CERS6: variants seen among roughly 807,000 people sequenced by gnomAD.
CERS6 encodes LAG1 homolog, ceramide synthase 6.
In CERS6, 26 loss-of-function variants were observed where a neutral mutation model predicts 56.8. The observed-to-expected ratio is 0.46, with a 90% CI of 0.34 to 0.63. CERS6 has a LOEUF of 0.63. Ranked by LOEUF, CERS6 falls within the 30% of genes least tolerant of loss-of-function variation. The probability of loss-of-function intolerance (pLI) is 0.01; values close to 1 mark genes in which losing one functional copy is unlikely to be tolerated. For missense variants in CERS6, 415 were observed against 467.5 expected, an observed-to-expected ratio of 0.89 and a Z score of 1.04; for synonymous variants, 164 against 173.3, an observed-to-expected ratio of 0.95 and a Z score of 0.42.
At chr2:168,606,992 G>C (rs1684067851) in intron 3 of CERS6, among the ~76,000 whole-genome samples, 1 of 152,124 alleles carries the variant, frequency 6.6e-6, no homozygotes, top group Non-Finnish European at 1.5e-5. Flanking sequence ...TGCTGCTGTG[G>C]TTCCTGTACA....
chr2:168,484,734 T>C (rs535983421), intron 1 of CERS6, among the ~76,000 whole-genome samples: 1 of 150,608 alleles, frequency 6.6e-6, no homozygotes, highest in African/African-American at 2.4e-5. Context: ...GGCTTTAGTG[T>C]CTTTTTCATT....
At chr2:168,646,984 C>T (rs1685220429) in intron 4 of CERS6, among the ~76,000 whole-genome samples, 1 of 152,146 alleles carries the variant, frequency 6.6e-6, no homozygotes, top group South Asian at 2.1e-4. Context: ...CAGCTTTGTT[C>T]TTTTTGCTTA....
intron 8 of CERS6, among the ~76,000 whole-genome samples, chr2:168,741,937 T>A (rs1683921550): frequency 6.6e-6 from 1 of 152,180 alleles, no homozygotes; most frequent in South Asian, 2.1e-4. Context: ...TTTCAAAAAA[T>A]GAGCATGTCG....
intron 8 of CERS6, among the ~76,000 whole-genome samples, chr2:168,759,616 A>G (rs1684511285): frequency 6.6e-6 from 1 of 152,184 alleles, no homozygotes; most frequent in Non-Finnish European, 1.5e-5. Flanking sequence ...AATGAATCAT[A>G]AGATTTAATT....
chr2:168,643,823 C>G (rs769658617), intron 4 of CERS6, among the ~76,000 whole-genome samples: 1 of 152,160 alleles, frequency 6.6e-6, no homozygotes, highest in Non-Finnish European at 1.5e-5. Flanking sequence ...TCTATACGCC[C>G]GGATAATTTC....
chr2:168,626,620 C>A (rs1425873101), intron 3 of CERS6, among the ~76,000 whole-genome samples: 2 of 152,156 alleles, frequency 1.3e-5, no homozygotes, highest in African/African-American at 4.8e-5. Context: ...TGTAGTGGAA[C>A]ACATTGACGT....
intron 1 of CERS6, among the ~76,000 whole-genome samples, chr2:168,496,226 A>G (rs1251133558): frequency 1.3e-5 from 2 of 152,186 alleles, no homozygotes; most frequent in Non-Finnish European, 2.9e-5. Context: ...CTTCCTATAC[A>G]AAGACTGTTA....
chr2:168,758,931 C>G (rs1434531379), intron 8 of CERS6, among the ~76,000 whole-genome samples: 9 of 152,046 alleles, frequency 5.9e-5, no homozygotes, highest in Non-Finnish European at 1.5e-5. Context: ...CTTTAAGACT[C>G]CCTTGTGTTT....
At chr2:168,708,306 G>A (rs546591708) in intron 6 of CERS6, among the ~76,000 whole-genome samples, 9 of 152,100 alleles carry the variant, frequency 5.9e-5, no homozygotes, top group African/African-American at 1.4e-4. Context: ...CACTTCTACC[G>A]CCAGCATTCT....
intron 3 of CERS6, among the ~76,000 whole-genome samples, chr2:168,594,300 G>T (rs1683743313): frequency 6.6e-6 from 1 of 152,112 alleles, no homozygotes; most frequent in African/African-American, 2.4e-5. Flanking sequence ...TGTTATAATG[G>T]TTAAATTCAT....
chr2:168,572,305 G>A (rs1696003562), intron 3 of CERS6, among the ~76,000 whole-genome samples: 2 of 152,094 alleles, frequency 1.3e-5, no homozygotes, highest in African/African-American at 4.8e-5. Context: ...AGTATTTATT[G>A]AGGTATTTAT....
intron 3 of CERS6, among the ~76,000 whole-genome samples, chr2:168,625,010 A>T (rs1310959349): frequency 4.6e-5 from 7 of 152,286 alleles, no homozygotes; most frequent in African/African-American, 1.7e-4. Context: ...ATAATTTGTG[A>T]GATACAGCGC....
At chr2:168,481,770 G>A (rs1355424164) in intron 1 of CERS6, among the ~76,000 whole-genome samples, 6 of 152,226 alleles carry the variant, frequency 3.9e-5, no homozygotes, top group Non-Finnish European at 5.9e-5. Context: ...TCTCCCAAAT[G>A]TGGGTTTACT....
intron 1 of CERS6, among the ~76,000 whole-genome samples, chr2:168,506,654 T>A (rs1037829518): frequency 6.6e-6 from 1 of 152,220 alleles, no homozygotes; most frequent in African/African-American, 2.4e-5. Context: ...CTTCTGATGC[T>A]ATTAACCAAA....
At chr2:168,548,989 G>A (rs1205478916) in intron 2 of CERS6, among the ~76,000 whole-genome samples, 1 of 152,052 alleles carries the variant, frequency 6.6e-6, no homozygotes, top group Non-Finnish European at 1.5e-5. Context: ...TAAAGAAAAA[G>A]CTTGCATTTT....
chr2:168,549,025 T>G (rs1558993202), intron 2 of CERS6, among the ~76,000 whole-genome samples: 1 of 152,180 alleles, frequency 6.6e-6, no homozygotes, highest in Non-Finnish European at 1.5e-5. Flanking sequence ...ATTACTTAAG[T>G]GAAACAACTT....
chr2:168,653,223 C>T (rs1164171077), intron 4 of CERS6, among the ~76,000 whole-genome samples: 1 of 152,212 alleles, frequency 6.6e-6, no homozygotes, highest in Admixed American at 6.5e-5. Context: ...TTGTAAATGA[C>T]TATTTTTCCA....
chr2:168,538,523 A>C (rs1029759188), intron 1 of CERS6, among the ~76,000 whole-genome samples: 3 of 152,178 alleles, frequency 2.0e-5, no homozygotes, highest in African/African-American at 7.2e-5. Context: ...TTCCCTGGCC[A>C]ATCTGTTTTA....
chr2:168,496,737 G>A (rs1215839099), intron 1 of CERS6, among the ~76,000 whole-genome samples: 1 of 152,110 alleles, frequency 6.6e-6, no homozygotes, highest in East Asian at 1.9e-4. Flanking sequence ...TCTAGTAGTA[G>A]CTCTAGATTT....
Sources: allele counts gnomAD v4.1 joint callset (sites outside exome capture counted in the v4.1 genomes callset), GRCh38; gene constraint gnomAD v4.1.1; transcripts MANE v1.5; gene names NCBI Gene and HGNC (gene_info 2026-07-23, HGNC 2026-07-21).